ATOSA: variants seen among roughly 807,000 people sequenced by gnomAD.
ATOSA encodes the protein atos homolog A.
the ATOSA span, chr15:52,609,356 C>T: frequency 1.5e-5 from 25 of 1,613,826 alleles, no homozygotes; most frequent in African/African-American, 3.1e-4. Context: ...CTCCTAAACA[C>T]TTTAGATGCA....
the ATOSA span, among the ~76,000 whole-genome samples, chr15:52,631,805 C>T: frequency 6.6e-6 from 1 of 152,184 alleles, no homozygotes; most frequent in Non-Finnish European, 1.5e-5. Flanking sequence ...ATTGAATAGG[C>T]AGTCCCATTG....
the ATOSA span, among the ~76,000 whole-genome samples, chr15:52,605,590 G>T: frequency 8.1e-4 from 124 of 152,180 alleles, no homozygotes; most frequent in African/African-American, 2.9e-3. Context: ...TCAAATTTGG[G>T]ATGCTCAAAC....
the ATOSA span, among the ~76,000 whole-genome samples, chr15:52,689,035 T>C: frequency 1.3e-5 from 2 of 152,182 alleles, no homozygotes; most frequent in Non-Finnish European, 1.5e-5. Context: ...GTCAGTATGG[T>C]ATAATTCTGA....
the ATOSA span, among the ~76,000 whole-genome samples, chr15:52,692,829 T>A: frequency 6.6e-6 from 1 of 151,314 alleles, no homozygotes; most frequent in African/African-American, 2.4e-5. Flanking sequence ...AGGGCCTTTT[T>A]TTTTTGAGAT....
the ATOSA span, among the ~76,000 whole-genome samples, chr15:52,705,407 T>C: frequency 7.2e-5 from 11 of 151,950 alleles, no homozygotes; most frequent in Non-Finnish European, 1.6e-4. Flanking sequence ...CTAATGTAAA[T>C]GACGAGTTGA....
At chr15:52,589,023 T>A in the ATOSA span, among the ~76,000 whole-genome samples, 1 of 152,326 alleles carries the variant, frequency 6.6e-6, no homozygotes, top group Middle Eastern at 3.4e-3. Flanking sequence ...TTCTGACATA[T>A]GAATTTACTC....
At chr15:52,617,635 A>G in the ATOSA span, among the ~76,000 whole-genome samples, 1 of 151,994 alleles carries the variant, frequency 6.6e-6, no homozygotes, top group Admixed American at 6.6e-5. Context: ...TGTTAATTTT[A>G]TAGCCTTATT....
At chr15:52,644,244 T>A in the ATOSA span, among the ~76,000 whole-genome samples, 1 of 152,170 alleles carries the variant, frequency 6.6e-6, no homozygotes, top group Admixed American at 6.5e-5. Context: ...ACTTAATTTC[T>A]ATTCTTATGG....
chr15:52,702,122 G>A, the ATOSA span, among the ~76,000 whole-genome samples: 1 of 152,156 alleles, frequency 6.6e-6, no homozygotes, highest in Admixed American at 6.6e-5. Flanking sequence ...AACAACAGAT[G>A]CTGGCAAGGC....
chr15:52,690,873 G>A, the ATOSA span, among the ~76,000 whole-genome samples: 2,702 of 152,290 alleles, frequency 0.018, 93 homozygotes, highest in African/African-American at 0.062. Context: ...TAAACTAGAT[G>A]AAGAAAAATG....
At chr15:52,667,579 A>G in the ATOSA span, among the ~76,000 whole-genome samples, 1 of 152,196 alleles carries the variant, frequency 6.6e-6, no homozygotes, top group Non-Finnish European at 1.5e-5. Flanking sequence ...CTCAGAGAGG[A>G]AAAAAGGCCT....
chr15:52,631,823 A>C, the ATOSA span, among the ~76,000 whole-genome samples: 1 of 152,290 alleles, frequency 6.6e-6, no homozygotes, highest in East Asian at 1.9e-4. Context: ...TTGTAACCTC[A>C]AACTCCTGGA....
chr15:52,647,911 A>AT, the ATOSA span, among the ~76,000 whole-genome samples: 1 of 152,114 alleles, frequency 6.6e-6, no homozygotes, highest in Non-Finnish European at 1.5e-5. Flanking sequence ...ATATTTAGCC[A>AT]TGCACTTACC....
chr15:52,663,236 A>T, the ATOSA span, among the ~76,000 whole-genome samples: 2 of 152,156 alleles, frequency 1.3e-5, no homozygotes, highest in African/African-American at 2.4e-5. Context: ...AAATCATAAC[A>T]GTTTTTGAAG....
chr15:52,595,544 GA>G, the ATOSA span, among the ~76,000 whole-genome samples: 7,344 of 118,932 alleles, frequency 0.062, 488 homozygotes, highest in African/African-American at 0.19. Context: ...AGTATGACAA[GA>G]AAAAAAAAAA....
chr15:52,671,728 G>GA, the ATOSA span, among the ~76,000 whole-genome samples: 1 of 151,880 alleles, frequency 6.6e-6, no homozygotes, highest in Non-Finnish European at 1.5e-5. Flanking sequence ...AAACCTCTCT[G>GA]AAAAAATGAC....
chr15:52,708,011 C>T, the ATOSA span, among the ~76,000 whole-genome samples: 1 of 152,124 alleles, frequency 6.6e-6, no homozygotes, highest in African/African-American at 2.4e-5. Context: ...GAGGCTGAAA[C>T]CTCAGGAGGC....
the ATOSA span, among the ~76,000 whole-genome samples, chr15:52,615,365 T>C: frequency 2.0e-5 from 3 of 151,846 alleles, no homozygotes; most frequent in African/African-American, 4.9e-5. Context: ...ACTATTCAAT[T>C]TGTTGTACAA....
the ATOSA span, among the ~76,000 whole-genome samples, chr15:52,687,238 C>T: frequency 3.9e-5 from 6 of 151,996 alleles, no homozygotes; most frequent in African/African-American, 1.4e-4. Context: ...ACCCCATCTC[C>T]ACTACAAATA....
Sources: gnomAD v4.1 joint callset for allele counts (sites outside exome capture counted in the v4.1 genomes callset) on GRCh38, gnomAD v4.1.1 for gene constraint, MANE v1.5 for transcripts, NCBI Gene and HGNC (gene_info 2026-07-23, HGNC 2026-07-21) for gene names.